The following TENM3 variants were observed in gnomAD, a reference collection of about 807,000 sequenced individuals.
The protein encoded by TENM3 is teneurin-3.
In TENM3, 63 loss-of-function variants were observed where a neutral mutation model predicts 255.1. The observed-to-expected ratio is 0.25, with a 90% CI of 0.20 to 0.30. The LOEUF is 0.30. TENM3 is among the 10% of genes least tolerant of loss of function. The pLI is 1.00. For synonymous variants in TENM3, 1,306 were observed against 1,322.3 expected (o/e 0.99, Z 0.27); for missense variants, 2,929 against 3,461.1 (o/e 0.85, Z 3.86).
chr4:182,377,565 T>C (rs2309653), intron 3 of TENM3, among the ~76,000 whole-genome samples: 151,740 of 152,256 alleles, frequency 1, 75,613 homozygotes, highest in Middle Eastern at 1. Flanking sequence ...CCACCCGCCT[T>C]GGCCTCCCAA....
the TENM3 span, among the ~76,000 whole-genome samples, chr4:181,605,564 AAGAAAGAG>A: frequency 3.0e-3 from 75 of 24,962 alleles, 2 homozygotes; most frequent in Middle Eastern, 0.02. Flanking sequence ...GAAAGAAAGA[AAGAAAGAG>A]AGAGAAAGAA....
the TENM3 span, among the ~76,000 whole-genome samples, chr4:181,872,174 G>A: frequency 1.3e-5 from 2 of 151,268 alleles, no homozygotes; most frequent in African/African-American, 4.9e-5. Context: ...ATTCACCAGA[G>A]CATCCATGTA....
At chr4:181,781,256 A>G in the TENM3 span, among the ~76,000 whole-genome samples, 171 of 152,336 alleles carry the variant, frequency 1.1e-3, no homozygotes, top group African/African-American at 4.0e-3. Context: ...ATCCGTGAGC[A>G]TGGAATGTTC....
At chr4:182,118,191 C>A in the TENM3 span, among the ~76,000 whole-genome samples, 23 of 151,776 alleles carry the variant, frequency 1.5e-4, no homozygotes. Context: ...TTTGTCAGTT[C>A]TTTCAGATCC....
intron 3 of TENM3, among the ~76,000 whole-genome samples, chr4:182,528,242 C>T (rs369224846): frequency 5.3e-5 from 8 of 152,182 alleles, no homozygotes; most frequent in African/African-American, 9.6e-5. Flanking sequence ...CTCACCCTCC[C>T]GAGTAGCTGA....
At chr4:182,776,240 C>T (rs1402978138) in intron 24 of TENM3, among the ~76,000 whole-genome samples, 2 of 152,102 alleles carry the variant, frequency 1.3e-5, no homozygotes, top group Admixed American at 6.5e-5. Flanking sequence ...TGGTGAAACC[C>T]ATCTCTACTA....
chr4:182,186,977 T>G (rs1360723058), intron 1 of TENM3, among the ~76,000 whole-genome samples: 3 of 150,798 alleles, frequency 2.0e-5, no homozygotes, highest in Admixed American at 2.0e-4. Context: ...TGCTTTGCCT[T>G]TTTTTAATAG....
rs1762632594 is a variant in TENM3 at position 182,755,124 on chromosome 4, G to T, written c.4757G>T (p.Trp1586Leu). 6.2e-7 allele frequency: 1 copy of T among 1,613,864 alleles called. No homozygotes were observed. Among genetic ancestry groups the T allele is most frequent in the Non-Finnish European group, 8.5e-7 (1 of 1,179,904 alleles). The change falls in exon 22 of 28, where the codon TGG (tryptophan) becomes TTG (leucine). Residue 1586 changes from tryptophan to leucine, a missense_variant. This residue lies in a region of TENM3 where 1,608 missense variants were observed against 1,884.4 expected (regional missense o/e 0.85). Transcript: ENST00000511685. Reference protein sequence around the residue: ...RVVSPDNQVIWLTIGTNGCLK... With the variant: ...RVVSPDNQVILLTIGTNGCLK... ...GTGTCTCCTGATAACCAAGTGATAT[G>T]GTTGACAATAGGAACAAATGGATGT...
intron 1 of TENM3, among the ~76,000 whole-genome samples, chr4:182,186,656 A>G (rs1251752076): frequency 6.7e-6 from 1 of 149,906 alleles, no homozygotes; most frequent in East Asian, 2.0e-4. Flanking sequence ...TGATCACTGC[A>G]TTTGTCTTAA....
the TENM3 span, among the ~76,000 whole-genome samples, chr4:181,606,792 A>C: frequency 6.6e-6 from 1 of 151,952 alleles, no homozygotes; most frequent in Non-Finnish European, 1.5e-5. Flanking sequence ...GGCCAGAATG[A>C]CTTCTAATGA....
the TENM3 span, among the ~76,000 whole-genome samples, chr4:182,031,032 T>A: frequency 6.6e-6 from 1 of 152,244 alleles, no homozygotes; most frequent in Admixed American, 6.5e-5. Flanking sequence ...TAGTTTCTTT[T>A]GCTGTGCAGA....
chr4:182,042,282 G>T, the TENM3 span, among the ~76,000 whole-genome samples: 7 of 152,112 alleles, frequency 4.6e-5, no homozygotes, highest in Non-Finnish European at 8.8e-5. Context: ...GGTAACCATG[G>T]TCTAGCAATT....
chr4:182,729,099 A>G lies in TENM3; in HGVS notation c.2503A>G (p.Lys835Glu), dbSNP rs764941531. The G allele has an allele frequency of 1.2e-6, 2 of 1,614,010 alleles. No homozygotes were observed. The highest frequency in any genetic ancestry group is 3.3e-5 in the Admixed American group (2 of 60,018). Reference sequence around the variant, plus strand: ...TCAATCGCCTTCTCAGCAAGCTGCCAAATCCTTTTATGATCGAATCAGTTT... The same window carrying G: ...TCAATCGCCTTCTCAGCAAGCTGCCGAATCCTTTTATGATCGAATCAGTTT... ...SLQSPSQQAA[K>E]SFYDRISFLI... The change falls in exon 14 of 28, where the codon AAA becomes GAA. Residue 835 changes from lysine (K) to glutamate (E), a missense_variant. Coordinates refer to ENST00000511685, the MANE Select transcript of TENM3 (RefSeq NM_001080477.4).
At chr4:181,829,088 C>G in the TENM3 span, among the ~76,000 whole-genome samples, 1 of 152,204 alleles carries the variant, frequency 6.6e-6, no homozygotes, top group Non-Finnish European at 1.5e-5. Context: ...CACACGCACA[C>G]AGGCCTTCTC....
chr4:182,444,401 C>T (rs1353928770), intron 3 of TENM3, among the ~76,000 whole-genome samples: 1 of 151,972 alleles, frequency 6.6e-6, no homozygotes, highest in Admixed American at 6.6e-5. Flanking sequence ...ATTTTGGTAA[C>T]AATTTCTTTG....
At chr4:181,922,571 G>A in the TENM3 span, among the ~76,000 whole-genome samples, 43 of 152,112 alleles carry the variant, frequency 2.8e-4, no homozygotes, top group African/African-American at 6.5e-4. Context: ...CTGTGGGATC[G>A]GTGGTGATAT....
the TENM3 span, among the ~76,000 whole-genome samples, chr4:182,025,038 T>C: frequency 1.6e-5 from 1 of 63,628 alleles, no homozygotes; most frequent in African/African-American, 4.5e-5. Context: ...TTTTTTTTTT[T>C]TTTTTTTTGA....
the TENM3 span, among the ~76,000 whole-genome samples, chr4:181,590,522 G>A: frequency 6.6e-6 from 1 of 152,240 alleles, no homozygotes; most frequent in African/African-American, 2.4e-5. Flanking sequence ...ACAGCTAGGG[G>A]CACCATCCTT....
chr4:181,967,481 C>A, the TENM3 span, among the ~76,000 whole-genome samples: 1 of 152,272 alleles, frequency 6.6e-6, no homozygotes, highest in South Asian at 2.1e-4. Flanking sequence ...ATTCCTATCA[C>A]CGGTTTAAAA....
Sources: allele counts gnomAD v4.1 joint callset (sites outside exome capture counted in the v4.1 genomes callset), GRCh38; gene constraint gnomAD v4.1.1; regional missense constraint gnomAD v4.1.1; transcripts MANE v1.5; gene names NCBI Gene and HGNC (gene_info 2026-07-23, HGNC 2026-07-21).